Variants in CELF1 observed in about 807,000 individuals in gnomAD.
The protein encoded by CELF1 is 50 kDa nuclear polyadenylated RNA-binding protein.
In CELF1, 10 loss-of-function variants were observed where a neutral mutation model predicts 61.8. That is an observed-to-expected ratio of 0.16 (90% CI 0.10 to 0.27). CELF1 has a LOEUF of 0.27. Ranked by LOEUF, CELF1 falls within the 10% of genes least tolerant of loss-of-function variation. The pLI is 1.00. For missense variants in CELF1, 380 were observed against 639.1 expected, an observed-to-expected ratio of 0.59 and a Z score of 4.37; for synonymous variants, 236 against 225.1, an observed-to-expected ratio of 1.05 and a Z score of -0.43.
intron 1 of CELF1, among the ~76,000 whole-genome samples, chr11:47,531,424 C>T (rs901582089): frequency 5.9e-5 from 9 of 152,084 alleles, no homozygotes; most frequent in Non-Finnish European, 1.3e-4. Flanking sequence ...AAAGCATTAG[C>T]CGGGCGTGGT....
At chr11:47,557,362 G>A (rs1266130023), upstream of CELF1, among the ~76,000 whole-genome samples, 1 of 149,564 alleles carries the variant, frequency 6.7e-6, no homozygotes, top group African/African-American at 2.5e-5. Flanking sequence ...GGGACTACAG[G>A]CACATGCCAC....
chr11:47,476,726 C>G, intron 12 of CELF1, 120 bp downstream of exon 12: 1 of 782,102 alleles, frequency 1.3e-6, no homozygotes, highest in Non-Finnish European at 2.1e-6. Flanking sequence ...ACACCTGGCC[C>G]TCATGATTAT....
At chr11:47,552,866 G>A (rs1032622296) in intron 1 of CELF1, 126 bp downstream of exon 1, 123 of 395,254 alleles carry the variant, frequency 3.1e-4, no homozygotes, top group Admixed American at 5.3e-4. Context: ...AACGAGAAAA[G>A]GCCGCGCCCG....
intron 6 of CELF1, 55 bp downstream of exon 6, chr11:47,486,695 A>G (rs1465516007): frequency 7.0e-7 from 1 of 1,421,950 alleles, no homozygotes; most frequent in Non-Finnish European, 9.9e-7. Flanking sequence ...GGTGTGAGCC[A>G]CCGTGCCTGG....
chr11:47,542,368 C>G (rs2096831342), intron 1 of CELF1, among the ~76,000 whole-genome samples: 1 of 151,878 alleles, frequency 6.6e-6, no homozygotes. Context: ...AACTCTGTCT[C>G]AAATAAATAA....
At chr11:47,551,726 G>C (rs554184300) in intron 1 of CELF1, among the ~76,000 whole-genome samples, 2 of 152,304 alleles carry the variant, frequency 1.3e-5, no homozygotes, top group South Asian at 2.1e-4. Flanking sequence ...AAAAGGTGAA[G>C]TTCCGGGCGG....
chr11:47,552,933 T>TTGCCTTTTTTCCCCTCCCTCC lies in CELF1; in HGVS notation c.-154+38_-154+58dup, dbSNP rs2097181463. 1.8e-5 allele frequency: 7 copies of TTGCCTTTTTTCCCCTCCCTCC among 397,180 alleles called. No homozygotes were observed. In the East Asian group the frequency reaches 2.5e-4, roughly 14 times the overall value. 24.6% of individuals were successfully genotyped at this position (397,180 alleles called of 1,614,324 possible). A position where few individuals can be genotyped will look rare whatever the true frequency, so the allele number is the denominator to read the frequency against. On this transcript the variant is annotated intron_variant, in intron 1 of 14. Coordinates refer to ENST00000687097, the MANE Select transcript of CELF1 (RefSeq NM_001376376.1). ...GGACCCGCCCCGCGGCGCCTCCCTC[T>TTGCCTTTTTTCCCCTCCCTCC]TGCCTTTTTTCCCCTCCCTCCCTCC...
At chr11:47,475,549 A>AT (rs1565743501) in intron 12 of CELF1, 28 bp from the exon 13 acceptor site, 1 of 1,610,216 alleles carries the variant, frequency 6.2e-7, no homozygotes, top group African/African-American at 1.3e-5. Flanking sequence ...AAGGATTAAT[A>AT]TACTAGAAAG....
intron 1 of CELF1, among the ~76,000 whole-genome samples, chr11:47,514,544 T>C (rs1162139647): frequency 2.6e-5 from 4 of 152,032 alleles, no homozygotes; most frequent in African/African-American, 4.8e-5. Flanking sequence ...AAACAGAGCA[T>C]GCAAAAAACA....
At chr11:47,552,719 G>A (rs1244517508) in intron 1 of CELF1, among the ~76,000 whole-genome samples, 1 of 152,202 alleles carries the variant, frequency 6.6e-6, no homozygotes, top group Non-Finnish European at 1.5e-5. Context: ...AAAGGGCGCG[G>A]GGAGAGGAAG....
chr11:47,497,275 A>C (rs2153531312), intron 3 of CELF1, among the ~76,000 whole-genome samples: 1 of 152,350 alleles, frequency 6.6e-6, no homozygotes, highest in South Asian at 2.1e-4. Flanking sequence ...CCCCTTAAGC[A>C]ATGGGAGAAT....
At chr11:47,489,943 T>TTTTTTTTTTTTTTTTTTG (rs1433606711) in intron 3 of CELF1, among the ~76,000 whole-genome samples, 1 of 116,038 alleles carries the variant, frequency 8.6e-6, no homozygotes, top group Non-Finnish European at 1.8e-5. Context: ...TTGTTTTTTT[T>TTTTTTTTTTTTTTTTTTG]TTTTTTTTTT....
In CELF1 at chr11:47,499,621, A is replaced by G; in HGVS notation, c.-81-17T>C. 1 of 952,770 alleles carries G rather than the reference A, an allele frequency of 1.0e-6. No individual in the cohort carries two copies. Among genetic ancestry groups the G allele is most frequent in the Non-Finnish European group, 1.6e-6 (1 of 629,798 alleles). The allele number at this position is 952,770 out of a possible 1,614,324, so 59.0% of individuals were successfully genotyped here. On this transcript the variant is annotated splice_polypyrimidine_tract_variant and intron_variant, in intron 2 of 14. Coordinates refer to ENST00000687097, the MANE Select transcript of CELF1 (RefSeq NM_001376376.1). ...TTTAGCTTCCTGGGCCCCACAAAAAACACAAAGTGGAAACAGGAGCTCAGG... is the reference window on the plus strand; with the variant it reads ...TTTAGCTTCCTGGGCCCCACAAAAAGCACAAAGTGGAAACAGGAGCTCAGG...
chr11:47,477,490 A>G, intron 10 of CELF1, 65 bp from the exon 11 acceptor site: 14 of 1,548,244 alleles, frequency 9.0e-6, no homozygotes, highest in Non-Finnish European at 1.2e-5. Context: ...TCCAGCAATG[A>G]CAAGCACACA....
intron 1 of CELF1, among the ~76,000 whole-genome samples, chr11:47,545,264 T>C (rs2096903249): frequency 6.6e-6 from 1 of 152,064 alleles, no homozygotes; most frequent in Admixed American, 6.6e-5. Flanking sequence ...ACCCCATCTC[T>C]ACTAAAAATA....
intron 1 of CELF1, among the ~76,000 whole-genome samples, chr11:47,534,022 CTTTTTTTTT>C (rs71042679): frequency 3.4e-5 from 3 of 87,616 alleles, no homozygotes; most frequent in South Asian, 4.6e-4. Context: ...TTTTTCTTTC[CTTTTTTTTT>C]TTTTTTTTTT....
chr11:47,526,605 C>T (rs1030786395), intron 1 of CELF1, among the ~76,000 whole-genome samples: 1 of 152,206 alleles, frequency 6.6e-6, no homozygotes, highest in African/African-American at 2.4e-5. Flanking sequence ...AATGTTCTTC[C>T]ATCTGAGACA....
intron 1 of CELF1, among the ~76,000 whole-genome samples, chr11:47,522,035 C>T (rs186742017): frequency 2.0e-5 from 3 of 152,058 alleles, no homozygotes; most frequent in Admixed American, 1.3e-4. Flanking sequence ...CTCAGCCTCC[C>T]GAGTAGCTGG....
chr11:47,561,696 C>T (rs990072208), intron 2 of CELF1, among the ~76,000 whole-genome samples: 1 of 152,108 alleles, frequency 6.6e-6, no homozygotes, highest in African/African-American at 2.4e-5. Context: ...AAATGAAAAC[C>T]TATGTCCGTA....
Sources: allele counts gnomAD v4.1 joint callset (sites outside exome capture counted in the v4.1 genomes callset), GRCh38; gene constraint gnomAD v4.1.1; transcripts MANE v1.5; gene names NCBI Gene and HGNC (gene_info 2026-07-23, HGNC 2026-07-21).